DACH2: variants seen among roughly 807,000 people sequenced by gnomAD.
DACH2 encodes the protein dachshund homolog 2.
In DACH2, 17 loss-of-function variants were observed where a neutral mutation model predicts 35.8. That is an observed-to-expected ratio of 0.48 (90% CI 0.33 to 0.71). The LOEUF (loss-of-function observed/expected upper bound fraction) is 0.71, where lower values mean the gene tolerates loss of function less well. DACH2 is among the 30% of genes least tolerant of loss of function. The probability of loss-of-function intolerance (pLI) is 0.02; values close to 1 mark genes in which losing one functional copy is unlikely to be tolerated. For missense variants in DACH2, 469 were observed against 472.7 expected (o/e 0.99, Z 0.07); for synonymous variants, 195 against 177.3 (o/e 1.10, Z -0.79).
chrX:86,464,134 C>G (rs1252428060), intron 2 of DACH2, among the ~76,000 whole-genome samples: 1 of 110,769 alleles, frequency 9.0e-6, no homozygotes, highest in Non-Finnish European at 1.9e-5. Context: ...GATCTAAAAC[C>G]AGAGATACCA....
chrX:86,764,004 C>T (rs1435599548), intron 7 of DACH2, among the ~76,000 whole-genome samples: 1 of 111,474 alleles, frequency 9.0e-6, no homozygotes, highest in Non-Finnish European at 1.9e-5. Context: ...CTTTTTTGAC[C>T]TGTTCTTATG....
At chrX:86,265,173 T>C (rs890986774) in intron 1 of DACH2, among the ~76,000 whole-genome samples, 5 of 112,205 alleles carry the variant, frequency 4.5e-5, no homozygotes, top group African/African-American at 1.6e-4. Flanking sequence ...GAAGCTGTTC[T>C]TTTTATAAAT....
intron 2 of DACH2, among the ~76,000 whole-genome samples, chrX:86,508,089 G>A (rs2038350044): frequency 9.0e-6 from 1 of 111,514 alleles, no homozygotes; most frequent in Non-Finnish European, 1.9e-5. Flanking sequence ...AGAATGTAAG[G>A]CACTAGTGGA....
intron 3 of DACH2, among the ~76,000 whole-genome samples, chrX:86,519,615 C>T (rs1239355528): frequency 9.0e-6 from 1 of 111,275 alleles, no homozygotes; most frequent in Non-Finnish European, 1.9e-5. Context: ...CTTCCTGGCT[C>T]AGTTTTGGAG....
chrX:86,155,027 A>T (rs1427019335), intron 1 of DACH2, among the ~76,000 whole-genome samples: 5 of 111,373 alleles, frequency 4.5e-5, no homozygotes, highest in Non-Finnish European at 9.5e-5. Context: ...AATATAGTGT[A>T]GCTGCTTAAT....
chrX:86,494,512 C>T (rs760458488), intron 2 of DACH2, among the ~76,000 whole-genome samples: 6 of 112,487 alleles, frequency 5.3e-5, no homozygotes, highest in Non-Finnish European at 9.4e-5. Flanking sequence ...AGTTACATGA[C>T]AATATCCAAT....
At chrX:86,411,051 A>ATATATATAT (rs2036606064) in intron 2 of DACH2, among the ~76,000 whole-genome samples, 1 of 21,510 alleles carries the variant, frequency 4.6e-5, no homozygotes, top group African/African-American at 2.9e-4. Context: ...TATATATGTA[A>ATATATATAT]AGGGGAGTTT....
At chrX:86,612,145 C>T (rs2039953825) in intron 3 of DACH2, among the ~76,000 whole-genome samples, 1 of 108,541 alleles carries the variant, frequency 9.2e-6, no homozygotes, top group African/African-American at 3.4e-5. Flanking sequence ...ATAGAAATGT[C>T]ATCCAGGAAT....
chrX:86,269,088 AT>A (rs768029652), intron 1 of DACH2, among the ~76,000 whole-genome samples: 44 of 110,109 alleles, frequency 4.0e-4, no homozygotes, highest in African/African-American at 8.3e-4. Context: ...CTTTCTAACT[AT>A]TTTTTTGTAC....
At chrX:86,228,645 T>A (rs749085369) in intron 1 of DACH2, among the ~76,000 whole-genome samples, 6 of 111,243 alleles carry the variant, frequency 5.4e-5, no homozygotes, top group Non-Finnish European at 1.1e-4. Flanking sequence ...GATTCTTTGA[T>A]TATGGCCATT....
intron 3 of DACH2, among the ~76,000 whole-genome samples, chrX:86,605,143 G>A (rs907436528): frequency 8.9e-6 from 1 of 111,890 alleles, no homozygotes; most frequent in Non-Finnish European, 1.9e-5. Flanking sequence ...GAATCAAGCA[G>A]TTTAGTCTGT....
At chrX:86,293,783 CGA>C (rs1188335835) in intron 1 of DACH2, among the ~76,000 whole-genome samples, 2 of 111,403 alleles carry the variant, frequency 1.8e-5, no homozygotes, top group African/African-American at 3.3e-5. Flanking sequence ...GAGTTTCTGC[CGA>C]GAGATCAGCT....
intron 2 of DACH2, among the ~76,000 whole-genome samples, chrX:86,460,649 C>G (rs1315154743): frequency 1.8e-5 from 2 of 110,422 alleles, no homozygotes; most frequent in Non-Finnish European, 3.8e-5. Flanking sequence ...GGAATGTATT[C>G]TCCTTTTATG....
At chrX:86,394,441 T>A (rs1439547724) in intron 2 of DACH2, among the ~76,000 whole-genome samples, 1 of 111,638 alleles carries the variant, frequency 9.0e-6, no homozygotes, top group Non-Finnish European at 1.9e-5. Flanking sequence ...AATATCATTT[T>A]AAATTAAGTG....
chrX:86,283,230 A>G (rs1288756289), intron 1 of DACH2, among the ~76,000 whole-genome samples: 1 of 111,803 alleles, frequency 8.9e-6, no homozygotes, highest in Non-Finnish European at 1.9e-5. Context: ...TCAGGAAACT[A>G]CTGATGCTGG....
At chrX:86,396,202 G>A (rs1169151089) in intron 2 of DACH2, among the ~76,000 whole-genome samples, 14 of 105,491 alleles carry the variant, frequency 1.3e-4, no homozygotes, top group South Asian at 4.1e-4. Flanking sequence ...AGAAGTGTCT[G>A]TTCATGTCCT....
intron 1 of DACH2, among the ~76,000 whole-genome samples, chrX:86,277,220 G>A (rs773455103): frequency 9.0e-6 from 1 of 111,034 alleles, no homozygotes; most frequent in African/African-American, 3.3e-5. Context: ...GTCTTTTATA[G>A]TTTTTATTAT....
chrX:86,297,499 C>A (rs2034489949), intron 1 of DACH2, among the ~76,000 whole-genome samples: 1 of 111,795 alleles, frequency 8.9e-6, no homozygotes, highest in African/African-American at 3.2e-5. Context: ...TTTTAGAAGC[C>A]TTCCAAATGA....
chrX:86,618,377 G>T (rs1470923772), intron 3 of DACH2, among the ~76,000 whole-genome samples: 2 of 112,094 alleles, frequency 1.8e-5, no homozygotes, highest in East Asian at 5.6e-4. Flanking sequence ...ATGAATAAAA[G>T]AATGGAAAGA....
Sources: gnomAD v4.1 joint callset for allele counts (sites outside exome capture counted in the v4.1 genomes callset) on GRCh38, gnomAD v4.1.1 for gene constraint, MANE v1.5 for transcripts, NCBI Gene and HGNC (gene_info 2026-07-23, HGNC 2026-07-21) for gene names.